KCNN4: variants seen among roughly 807,000 people sequenced by gnomAD.
KCNN4 encodes the protein intermediate conductance calcium-activated potassium channel protein 4.
A neutral mutation model predicts 45.2 loss-of-function variants in KCNN4; 31 were observed. The observed-to-expected ratio is 0.69, with a 90% confidence interval of 0.52 to 0.92. The LOEUF (loss-of-function observed/expected upper bound fraction) is 0.92, where lower values mean the gene tolerates loss of function less well. Ranked by LOEUF, KCNN4 falls within the 40% of genes least tolerant of loss-of-function variation. KCNN4 has a pLI of 0.00. For synonymous variants in KCNN4, 231 were observed against 254.6 expected (o/e 0.91, Z 0.88); for missense variants, 463 against 574.0 (o/e 0.81, Z 1.98).
chr19:43,772,592 C>A lies in KCNN4; in HGVS notation c.684-457G>T, dbSNP rs1969673062. 6.6e-6 allele frequency among the ~76,000 whole-genome samples: 1 copy of A among 152,120 alleles called. No homozygotes were observed. Among genetic ancestry groups the A allele is most frequent in the Non-Finnish European group, 1.5e-5 (1 of 68,018 alleles). On this transcript the variant is annotated intron_variant, in intron 3 of 8. Coordinates refer to ENST00000648319, the MANE Select transcript of KCNN4 (RefSeq NM_002250.3). This position sits in a 1 kb window ranked among gnomAD's most constrained non-coding sequence, Gnocchi z 4.4. ...TGGTCCAGAAGTGGCCCTATCAGGA[C>A]CAAAAAGGACTCTAAAAAGGCTTGG...
Position 43,767,675 on chromosome 19 carries a change from A to G in KCNN4, c.1152T>C (p.Asn384=). The G allele has an allele frequency of 6.2e-7, 1 of 1,614,108 alleles. No homozygotes were observed. Among genetic ancestry groups the G allele is most frequent in the Non-Finnish European group, 8.5e-7 (1 of 1,179,994 alleles). ...MHMILYDLQQ[N]LSSSHRALEK... ...CCAGGGCCCGGTGTGAGCTGCTCAGATTCTGCTGCAGGTCATACAGGATCA... is the reference window on the plus strand; with the variant it reads ...CCAGGGCCCGGTGTGAGCTGCTCAGGTTCTGCTGCAGGTCATACAGGATCA... The change falls in exon 8 of 9, where the codon AAT becomes AAC. Residue 384 remains asparagine (N), a synonymous_variant. Coordinates refer to ENST00000648319, the MANE Select transcript of KCNN4 (RefSeq NM_002250.3).
Position 43,766,740 on chromosome 19 carries a change from C to G in KCNN4, c.*353G>C, listed in dbSNP as rs147699812. 1 of 152,602 alleles carries G rather than the reference C, an allele frequency of 6.6e-6. No homozygotes were observed. The highest frequency in any genetic ancestry group is 2.4e-5 in the African/African-American group (1 of 41,418). 9.5% of individuals were successfully genotyped at this position (152,602 alleles called of 1,614,324 possible). ...CTGAAGCCTCCCAGAATCCTGGATC[C>G]GGGCCCCTAGTACCCTCTTTCCCAG... is the stretch of plus-strand genomic sequence containing the variant. On this transcript the variant is annotated 3_prime_UTR_variant, in exon 9 of 9. Coordinates refer to ENST00000648319, the MANE Select transcript of KCNN4 (RefSeq NM_002250.3).
chr19:43,770,751 G>A (rs1969621008), intron 4 of KCNN4, among the ~76,000 whole-genome samples: 1 of 152,196 alleles, frequency 6.6e-6, no homozygotes, highest in African/African-American at 2.4e-5. Context: ...CACAGAGTAT[G>A]TGCTCCGGAA....
In KCNN4 at chr19:43,774,282, AG is replaced by A; in HGVS notation, c.592del (p.Leu198PhefsTer3). 1 of 1,612,842 alleles carries A rather than the reference AG, an allele frequency of 6.2e-7. No individual in the cohort carries two copies. Among genetic ancestry groups the A allele is most frequent in the Non-Finnish European group, 8.5e-7 (1 of 1,179,500 alleles). On this transcript the variant is annotated frameshift_variant, in exon 3 of 9. Transcript: ENST00000648319. LOFTEE classifies it high-confidence loss of function. This position sits in a 1 kb window ranked among gnomAD's most constrained non-coding sequence, Gnocchi z 5.6. ...GCGGCCAGGGTGCGTGTTCATGTAA[AG>A]CTTGGCCACGAACCAGTGGCGGAAG... ...VRFRHWFVAK[L>X]YMNTHPGRLL... is the part of the protein sequence containing the mutation.
intron 4 of KCNN4, among the ~76,000 whole-genome samples, chr19:43,771,484 C>T (rs1024159975): frequency 5.3e-5 from 8 of 152,106 alleles, no homozygotes; most frequent in Non-Finnish European, 7.4e-5. Flanking sequence ...CCGCAGGATT[C>T]GGACCCAGGT....
In KCNN4 at chr19:43,769,642, C is replaced by G. The variant is rs1451831278; in HGVS notation, c.930+77G>C. 6.4e-7 allele frequency: 1 copy of G among 1,565,580 alleles called. No homozygotes were observed. Among genetic ancestry groups the G allele is most frequent in the Non-Finnish European group, 8.8e-7 (1 of 1,136,960 alleles). On this transcript the variant is annotated intron_variant, in intron 5 of 8. Coordinates refer to ENST00000648319, the MANE Select transcript of KCNN4 (RefSeq NM_002250.3). The surrounding 1 kb of genome is among the most constrained non-coding windows in gnomAD (Gnocchi z 4.4). ...AGGGCTAGGGCTGGGACTCTTGGGT[C>G]CTAGGGGAAGCAGGGGCGCCTGGAC...
Position 43,776,617 on chromosome 19 carries a change from A to G in KCNN4, c.179T>C (p.Leu60Pro). 2 of 1,613,732 alleles carry G rather than the reference A, an allele frequency of 1.2e-6. No individual in the cohort carries two copies. The highest frequency in any genetic ancestry group is 1.7e-6 in the Non-Finnish European group (2 of 1,179,634). Residue 60 changes from leucine (L) to proline (P), a missense_variant, in exon 2 of 9, where the codon CTG becomes CCG. Physicochemically the swap from Leu to Pro is moderately conservative, Grantham distance 98. This residue lies in a region of KCNN4 where 225 missense variants were observed against 240.9 expected (regional missense o/e 0.93). Transcript: ENST00000648319. ...GGCSWALYLF[L>P]VKCTISISTF... is the part of the protein sequence containing the mutation. Reference sequence around the variant, plus strand: ...GGAAATGCTGATCGTGCATTTAACCAGGAACAGGTAGAGCGCCCACTGTCA... The same window carrying G: ...GGAAATGCTGATCGTGCATTTAACCGGGAACAGGTAGAGCGCCCACTGTCA...
In KCNN4 at chr19:43,778,114, C is replaced by G. The variant is rs1480181297; in HGVS notation, c.160-1478G>C. Among the ~76,000 whole-genome samples, 6 of 152,212 alleles carry G rather than the reference C, an allele frequency of 3.9e-5. No homozygotes were observed. The East Asian group carries it at 1.2e-3, about 29-fold the overall frequency. ...TTCTCTGGTGGTCCTCTCTACTTTT[C>G]CATTTCCTCTTCCCCCAAATCCCGG... On this transcript the variant is annotated intron_variant, in intron 1 of 8. Transcript: ENST00000648319.
intron 1 of KCNN4, among the ~76,000 whole-genome samples, chr19:43,778,388 C>T (rs577836113): frequency 8.5e-4 from 129 of 152,318 alleles, no homozygotes; most frequent in African/African-American, 2.9e-3. Flanking sequence ...TACAGGCACA[C>T]GCCGCCATGC....
chr19:43,773,319 A>G (rs1811845407), intron 3 of KCNN4, among the ~76,000 whole-genome samples: 1 of 152,242 alleles, frequency 6.6e-6, no homozygotes, highest in Admixed American at 6.5e-5. Flanking sequence ...CAGGGAGACT[A>G]CAGATGGTGG....
intron 7 of KCNN4, 88 bp downstream of exon 7, chr19:43,768,875 C>T (rs1281176237): frequency 3.5e-5 from 46 of 1,328,058 alleles, no homozygotes; most frequent in Non-Finnish European, 4.3e-5. Flanking sequence ...AGGCCCCTGC[C>T]AAGGTTCCCT....
chr19:43,771,295 C>T (rs938051152), intron 4 of KCNN4, among the ~76,000 whole-genome samples: 2 of 152,136 alleles, frequency 1.3e-5, no homozygotes, highest in Admixed American at 1.3e-4. Flanking sequence ...ACCCCTAGAC[C>T]TGTTTACTGA....
At position 43,767,576 on chromosome 19, in the gene KCNN4, C is replaced by A. The variant is rs1393300628; in HGVS notation, c.1251G>T (p.Arg417Ser). 6.2e-7 allele frequency: 1 copy of A among 1,614,040 alleles called. No homozygotes were observed. Among genetic ancestry groups the A allele is most frequent in the Non-Finnish European group, 8.5e-7 (1 of 1,180,030 alleles). ...TELLSTALGP[R>S]QLPEPSQQSK ...ACTGCTGGCTGGGTTCTGGAAGCTG[C>A]CTCGGCCCCAGGGCAGTGCTAAGCA... The change falls in exon 8 of 9, where the codon AGG becomes AGT. Residue 417 changes from arginine (R) to serine (S), a missense_variant. Transcript: ENST00000648319.
In KCNN4 at chr19:43,775,734, C is replaced by G. The variant is rs375540232; in HGVS notation, c.255+807G>C. On this transcript the variant is annotated intron_variant, in intron 2 of 8. Coordinates refer to ENST00000648319, the MANE Select transcript of KCNN4 (RefSeq NM_002250.3). ...TGGGACAATAGGGGATGGGATGTGT[C>G]TGGGTGAGACCCAAGGTGGGGTATG... Among the ~76,000 whole-genome samples the G allele has an allele frequency of 2.6e-5, 4 of 152,026 alleles. No homozygotes were observed. In the East Asian group the frequency reaches 7.8e-4, roughly 30 times the overall value.
chr19:43,769,578 A>G lies in KCNN4; in HGVS notation c.931-18T>C, dbSNP rs200990834. The G allele has an allele frequency of 2.5e-6, 4 of 1,607,676 alleles. No homozygotes were observed. Among genetic ancestry groups the G allele is most frequent in the Non-Finnish European group, 3.4e-6 (4 of 1,174,102 alleles). Reference sequence around the variant, plus strand: ...TCCTTCATCTGGGGGTGGGTGGCACAGTGTCCGTGGAGATAGACCCTTACG... The same window carrying G: ...TCCTTCATCTGGGGGTGGGTGGCACGGTGTCCGTGGAGATAGACCCTTACG... On this transcript the variant is annotated intron_variant, in intron 5 of 8. Coordinates refer to ENST00000648319, the MANE Select transcript of KCNN4 (RefSeq NM_002250.3). The surrounding 1 kb of genome is among the most constrained non-coding windows in gnomAD (Gnocchi z 4.4).
Position 43,774,157 on chromosome 19 carries a change from T to G in KCNN4, c.683+35A>C, listed in dbSNP as rs1969723760. ...GACGGCCGCCGTGGCTGTCCGGGGT[T>G]CCCCCCTGCGCATTTATGCCTCCAT... On this transcript the variant is annotated intron_variant, in intron 3 of 8. Coordinates refer to ENST00000648319, the MANE Select transcript of KCNN4 (RefSeq NM_002250.3). The surrounding 1 kb of genome is among the most constrained non-coding windows in gnomAD (Gnocchi z 5.6). The G allele has an allele frequency of 7.0e-6, 11 of 1,576,672 alleles. No individual in the cohort carries two copies. Among genetic ancestry groups the G allele is most frequent in the Non-Finnish European group, 9.5e-6 (11 of 1,158,160 alleles).
intron 1 of KCNN4, among the ~76,000 whole-genome samples, chr19:43,777,297 A>C (rs1222069989): frequency 1.1e-5 from 1 of 92,528 alleles, no homozygotes; most frequent in East Asian, 3.2e-4. Flanking sequence ...ATAGTTCTTC[A>C]GGTGTGTGTG....
chr19:43,767,749 G>A (rs199501953), intron 7 of KCNN4, 42 bp from the exon 8 acceptor site: 56 of 1,610,854 alleles, frequency 3.5e-5, no homozygotes, highest in South Asian at 2.9e-4. Context: ...GGCTGGGGTC[G>A]ACCCCCACCT....
At position 43,772,152 on chromosome 19, in the gene KCNN4, G is replaced by T; in HGVS notation, c.684-17C>A. The T allele has an allele frequency of 6.2e-7, 1 of 1,612,564 alleles. No homozygotes were observed. Among genetic ancestry groups the T allele is most frequent in the Non-Finnish European group, 8.5e-7 (1 of 1,179,466 alleles). ...ACAGCCTGCCTATGGGGAAGGGTAG[G>T]TTAGTTCTAAAACCCCACCATAGAG... On this transcript the variant is annotated splice_polypyrimidine_tract_variant and intron_variant, in intron 3 of 8. Coordinates refer to ENST00000648319, the MANE Select transcript of KCNN4 (RefSeq NM_002250.3). This position sits in a 1 kb window ranked among gnomAD's most constrained non-coding sequence, Gnocchi z 4.4.
Sources: gnomAD v4.1 joint callset for allele counts (sites outside exome capture counted in the v4.1 genomes callset) on GRCh38, gnomAD v4.1.1 for gene constraint, gnomAD v4.1.1 regional missense constraint, Gnocchi (gnomAD v3.1) non-coding constraint, MANE v1.5 for transcripts, NCBI Gene and HGNC (gene_info 2026-07-23, HGNC 2026-07-21) for gene names.